The following ZHX2 variants were observed in gnomAD, a reference collection of about 807,000 sequenced individuals.
ZHX2 encodes zinc fingers and homeoboxes 2.
In ZHX2, 6 loss-of-function variants were observed where a neutral mutation model predicts 21.9. The observed-to-expected ratio is 0.27, with a 90% confidence interval of 0.15 to 0.54. ZHX2 has a LOEUF of 0.54. ZHX2 is among the 20% of genes least tolerant of loss of function. ZHX2 has a pLI of 0.95. For synonymous variants in ZHX2, 434 were observed against 437.1 expected (o/e 0.99, Z 0.09); for missense variants, 908 against 1,090.7 (o/e 0.83, Z 2.36).
At chr8:122,850,805 A>G (rs1253724297) in intron 1 of ZHX2, among the ~76,000 whole-genome samples, 2 of 151,782 alleles carry the variant, frequency 1.3e-5, no homozygotes, top group Non-Finnish European at 2.9e-5. Flanking sequence ...AACATGGGTC[A>G]GATTTTGTTT....
intron 1 of ZHX2, among the ~76,000 whole-genome samples, chr8:122,852,085 C>G (rs939752634): frequency 4.6e-5 from 7 of 152,268 alleles, no homozygotes; most frequent in African/African-American, 1.7e-4. Context: ...AAGGTGTCTG[C>G]AAAGCATCGT....
At chr8:122,924,951 GA>G (rs1820817781) in intron 2 of ZHX2, among the ~76,000 whole-genome samples, 1 of 152,122 alleles carries the variant, frequency 6.6e-6, no homozygotes, top group African/African-American at 2.4e-5. Context: ...CTCCTCCTTT[GA>G]AGTTGAGTCA....
At chr8:122,794,169 A>G (rs927572761) in intron 1 of ZHX2, among the ~76,000 whole-genome samples, 4 of 152,196 alleles carry the variant, frequency 2.6e-5, no homozygotes, top group Non-Finnish European at 5.9e-5. Flanking sequence ...CATAGAATTC[A>G]AGAAAAGAGA....
At chr8:122,805,354 C>A (rs1002044860) in intron 1 of ZHX2, among the ~76,000 whole-genome samples, 1 of 152,150 alleles carries the variant, frequency 6.6e-6, no homozygotes, top group African/African-American at 2.4e-5. Context: ...CCTGAAGGGG[C>A]GTCATTCTCC....
chr8:122,960,431 G>T (rs186659758), intron 3 of ZHX2, among the ~76,000 whole-genome samples: 3 of 152,214 alleles, frequency 2.0e-5, no homozygotes, highest in East Asian at 1.9e-4. Flanking sequence ...CCTGCCACTT[G>T]TGGGGCTGAG....
intron 2 of ZHX2, among the ~76,000 whole-genome samples, chr8:122,933,412 T>G (rs558132919): frequency 6.8e-5 from 10 of 148,114 alleles, no homozygotes; most frequent in Admixed American, 6.1e-4. Context: ...ACCATGATTG[T>G]TTCTTCTTTC....
chr8:122,903,898 A>T (rs934168422), intron 2 of ZHX2, among the ~76,000 whole-genome samples: 1 of 152,144 alleles, frequency 6.6e-6, no homozygotes, highest in African/African-American at 2.4e-5. Context: ...ACTTCCAAGA[A>T]AATGGAGTAA....
chr8:122,882,431 A>G (rs766220440), intron 2 of ZHX2, among the ~76,000 whole-genome samples: 2 of 151,782 alleles, frequency 1.3e-5, no homozygotes, highest in African/African-American at 4.8e-5. Flanking sequence ...AAGAATCTTC[A>G]TGAATTTTTT....
At chr8:122,862,912 C>T (rs1445515785) in intron 1 of ZHX2, among the ~76,000 whole-genome samples, 1 of 152,212 alleles carries the variant, frequency 6.6e-6, no homozygotes, top group African/African-American at 2.4e-5. Context: ...GTGAACACAT[C>T]CTCAGAACCG....
Position 122,953,226 on chromosome 8 carries a change from G to T in ZHX2, c.1716G>T (p.Glu572Asp). The change falls in exon 3 of 4, where the codon GAG becomes GAT. Residue 572 changes from glutamate to aspartate, a missense_variant. Around this residue, in one of 4 missense-constraint regions of ZHX2, gnomAD observed 431 missense variants for 428.6 expected, o/e 1.01. Coordinates refer to ENST00000314393, the MANE Select transcript of ZHX2 (RefSeq NM_014943.5). The surrounding 1 kb of genome is among the most constrained non-coding windows in gnomAD (Gnocchi z 4.6). ...TGGAGACCAAGCTGAGCAGGAGAGA[G>T]ATCGACTCCTGGTTCTCGGAGAGGC... ...LRVETKLSRREIDSWFSERRK... is the reference protein window; with the variant it reads ...LRVETKLSRRDIDSWFSERRK... The T allele has an allele frequency of 1.9e-6, 3 of 1,613,962 alleles. No homozygotes were observed. Among genetic ancestry groups the T allele is most frequent in the Non-Finnish European group, 2.5e-6 (3 of 1,179,988 alleles).
chr8:122,810,799 T>A lies in ZHX2; in HGVS notation c.-283+28853T>A, dbSNP rs577885595. On this transcript the variant is annotated intron_variant, in intron 1 of 3. Transcript: ENST00000314393. ...CACAGACTAGCATGTCTTTTTTTTT[T>A]TTATTATTATACTTTAAGTTTTAGG... is the stretch of plus-strand genomic sequence containing the variant. 1.9e-3 allele frequency among the ~76,000 whole-genome samples: 288 copies of A among 152,204 alleles called. 1 individual carries two copies. The highest frequency in any genetic ancestry group is 3.4e-3 in the African/African-American group (142 of 41,532).
At chr8:122,869,552 T>G (rs1819381198) in intron 2 of ZHX2, among the ~76,000 whole-genome samples, 1 of 152,056 alleles carries the variant, frequency 6.6e-6, no homozygotes, top group African/African-American at 2.4e-5. Context: ...GAGATGAGAG[T>G]GCATGGCCAA....
intron 2 of ZHX2, among the ~76,000 whole-genome samples, chr8:122,888,242 ATT>A (rs537797376): frequency 6.8e-6 from 1 of 146,920 alleles, no homozygotes; most frequent in African/African-American, 2.5e-5. Context: ...ACGGCCCTTG[ATT>A]TTTTTTTTTG....
intron 2 of ZHX2, among the ~76,000 whole-genome samples, chr8:122,864,590 T>C (rs1376909512): frequency 1.3e-5 from 2 of 151,702 alleles, no homozygotes; most frequent in African/African-American, 4.8e-5. Context: ...CCAGACCACA[T>C]AGACAAGAGG....
intron 1 of ZHX2, among the ~76,000 whole-genome samples, chr8:122,796,527 G>T (rs879392517): frequency 6.6e-6 from 1 of 152,214 alleles, no homozygotes; most frequent in Admixed American, 6.5e-5. Context: ...ACATGCCCAT[G>T]CTTAAGTAAT....
chr8:122,809,781 A>G (rs976374440), intron 1 of ZHX2, among the ~76,000 whole-genome samples: 2 of 152,180 alleles, frequency 1.3e-5, no homozygotes, highest in Non-Finnish European at 2.9e-5. Flanking sequence ...CATGCCAGCT[A>G]TGTGACGTTA....
At chr8:122,787,590 C>T (rs1817422229) in intron 1 of ZHX2, among the ~76,000 whole-genome samples, 1 of 152,204 alleles carries the variant, frequency 6.6e-6, no homozygotes, top group Non-Finnish European at 1.5e-5. Context: ...CATTTCCTGT[C>T]AAGTTCAGGG....
intron 1 of ZHX2, among the ~76,000 whole-genome samples, chr8:122,849,950 C>T (rs1023589988): frequency 2.3e-4 from 35 of 152,280 alleles, no homozygotes; most frequent in South Asian, 1.2e-3. Flanking sequence ...ATAATTACTA[C>T]GATCATCATC....
At chr8:122,959,717 C>A (rs946788840) in intron 3 of ZHX2, among the ~76,000 whole-genome samples, 2 of 152,150 alleles carry the variant, frequency 1.3e-5, no homozygotes, top group African/African-American at 4.8e-5. Context: ...ATGAAAAGCT[C>A]AAGAGAAAGG....
Sources: gnomAD v4.1 joint callset for allele counts (sites outside exome capture counted in the v4.1 genomes callset) on GRCh38, gnomAD v4.1.1 for gene constraint, gnomAD v4.1.1 regional missense constraint, Gnocchi (gnomAD v3.1) non-coding constraint, MANE v1.5 for transcripts, NCBI Gene and HGNC (gene_info 2026-07-23, HGNC 2026-07-21) for gene names.